The following SHTN1 variants were observed in gnomAD, a reference collection of about 807,000 sequenced individuals.
SHTN1 encodes shootin-1.
Under a neutral mutation model 83.1 loss-of-function variants are expected in SHTN1, and 42 were observed. The observed-to-expected ratio is 0.51, with a 90% CI of 0.39 to 0.65. SHTN1 has a LOEUF of 0.65. Among genes scored for constraint, SHTN1 ranks in the 30% least tolerant of loss-of-function variants. The probability of loss-of-function intolerance (pLI) is 0.00; values close to 1 mark genes in which losing one functional copy is unlikely to be tolerated. For missense variants in SHTN1, 622 were observed against 737.8 expected (o/e 0.84, Z 1.82); for synonymous variants, 224 against 247.7 (o/e 0.90, Z 0.90).
At position 117,005,119 on chromosome 10, in the gene SHTN1, C is replaced by G. The variant is rs569292667; in HGVS notation, c.-40G>C. On this transcript the variant is annotated 5_prime_UTR_variant, in exon 1 of 17. Coordinates refer to ENST00000355371, the MANE Select transcript of SHTN1 (RefSeq NM_001127211.3). ...CCGGGAATAAAAGGGAAAGAGGGAGCGGCGCGGGGCACACAGGAGGAGGGG... is the reference window on the plus strand; with the variant it reads ...CCGGGAATAAAAGGGAAAGAGGGAGGGGCGCGGGGCACACAGGAGGAGGGG... The G allele has an allele frequency of 3.8e-6, 6 of 1,570,498 alleles. No individual in the cohort carries two copies. The East Asian group carries it at 9.2e-5, about 24-fold the overall frequency.
At chr10:116,946,507 T>C (rs1257241130) in intron 7 of SHTN1, among the ~76,000 whole-genome samples, 3 of 140,226 alleles carry the variant, frequency 2.1e-5, no homozygotes, top group African/African-American at 7.8e-5. Flanking sequence ...ATATATAAAA[T>C]GATTTATATA....
intron 1 of SHTN1, among the ~76,000 whole-genome samples, chr10:117,123,483 A>C (rs1347976409): frequency 6.6e-6 from 1 of 152,162 alleles, no homozygotes; most frequent in Non-Finnish European, 1.5e-5. Flanking sequence ...AACACCCCTT[A>C]ACTTCCAATA....
chr10:117,089,036 T>C (rs1853390636), intron 1 of SHTN1, among the ~76,000 whole-genome samples: 2 of 152,172 alleles, frequency 1.3e-5, no homozygotes, highest in African/African-American at 4.8e-5. Flanking sequence ...CTCTGGCACA[T>C]TAATAGGGCT....
intron 2 of SHTN1, among the ~76,000 whole-genome samples, chr10:117,047,070 A>G (rs1037426331): frequency 2.6e-5 from 4 of 152,058 alleles, no homozygotes; most frequent in African/African-American, 7.2e-5. Context: ...TTCAAAAAAT[A>G]TATATATTTT....
At chr10:117,103,251 G>T (rs1384092634) in intron 1 of SHTN1, among the ~76,000 whole-genome samples, 1 of 151,826 alleles carries the variant, frequency 6.6e-6, no homozygotes, top group Non-Finnish European at 1.5e-5. Context: ...CACCACACCT[G>T]GCTAATTTTT....
chr10:116,913,901 C>G (rs1848292154), intron 13 of SHTN1, among the ~76,000 whole-genome samples: 1 of 152,210 alleles, frequency 6.6e-6, no homozygotes. Context: ...TTGCCAGACA[C>G]CAGCACTGGG....
rs138831002 is a variant in SHTN1, at chr10:116,955,474, T to C, written c.268-1264A>G. Among the ~76,000 whole-genome samples, 256 of 152,304 alleles carry C rather than the reference T, an allele frequency of 1.7e-3. 4 individuals carry two copies. Among genetic ancestry groups the C allele is most frequent in the Admixed American group, 0.014 (221 of 15,304 alleles). ...GGAAGACATGCTCTGAATTTAATAA[T>C]TGATATTGGAAACAAATGAACATAG... On this transcript the variant is annotated intron_variant, in intron 4 of 16. Transcript: ENST00000355371.
intron 16 of SHTN1, among the ~76,000 whole-genome samples, chr10:116,896,645 C>A (rs536536665): frequency 3.3e-5 from 5 of 152,128 alleles, no homozygotes; most frequent in Non-Finnish European, 5.9e-5. Context: ...AAATGGGTCA[C>A]GTCATCTTTT....
intron 1 of SHTN1, among the ~76,000 whole-genome samples, chr10:117,003,081 CAAGAA>C (rs1851878754): frequency 6.6e-6 from 1 of 151,850 alleles, no homozygotes; most frequent in African/African-American, 2.4e-5. Flanking sequence ...CTTGATTATA[CAAGAA>C]ATGAAAGGGA....
At chr10:117,071,128 T>C (rs868219135) in intron 1 of SHTN1, among the ~76,000 whole-genome samples, 5 of 152,164 alleles carry the variant, frequency 3.3e-5, no homozygotes, top group Non-Finnish European at 5.9e-5. Context: ...TTTCATAAAA[T>C]GCCATTTTAC....
chr10:117,030,476 T>C (rs978072160), intron 2 of SHTN1, among the ~76,000 whole-genome samples: 4 of 151,920 alleles, frequency 2.6e-5, no homozygotes, highest in African/African-American at 7.3e-5. Flanking sequence ...ATCAAGACCA[T>C]CCAGGGAAAC....
chr10:117,020,965 A>G (rs1852251430), intron 2 of SHTN1, among the ~76,000 whole-genome samples: 1 of 152,222 alleles, frequency 6.6e-6, no homozygotes, highest in Non-Finnish European at 1.5e-5. Flanking sequence ...ACAACTCAGT[A>G]ATTAAAAAAA....
rs1029880905 is a variant in SHTN1, at chr10:116,911,640, C to A, written c.1359+150G>T. 7 of 1,558,826 alleles carry A rather than the reference C, an allele frequency of 4.5e-6. No homozygotes were observed. The African/African-American group carries it at 9.5e-5, about 21-fold the overall frequency. On this transcript the variant is annotated intron_variant, in intron 14 of 16. Transcript: ENST00000355371. ...TTATTAACATATGTGATGGAGCAGT[C>A]TGTAAGCACGATCAAATAAACTGGC...
intron 16 of SHTN1, chr10:116,900,304 T>C (rs1438177679): frequency 3.6e-6 from 2 of 551,778 alleles, no homozygotes; most frequent in African/African-American, 3.8e-5. Context: ...TCTTAAGCAG[T>C]CATTGAACAA....
intron 1 of SHTN1, among the ~76,000 whole-genome samples, chr10:117,119,817 T>C (rs1177180794): frequency 2.0e-5 from 3 of 149,962 alleles, no homozygotes; most frequent in African/African-American, 7.3e-5. Flanking sequence ...AAATTGTACC[T>C]ATACACAATG....
At chr10:116,946,907 G>C (rs1452399526) in intron 7 of SHTN1, among the ~76,000 whole-genome samples, 1 of 151,760 alleles carries the variant, frequency 6.6e-6, no homozygotes, top group Non-Finnish European at 1.5e-5. Flanking sequence ...TTTCAGTAGA[G>C]ACGAGGTTTT....
chr10:117,109,237 A>AC lies in SHTN1; in HGVS notation c.-189+17069dup, dbSNP rs538062710. On this transcript the variant is annotated intron_variant, in intron 1 of 17. Transcript: ENST00000392901. Reference sequence around the variant, plus strand: ...TTCAGACTTCTGAAGACCACCCCCCACCACTGCTTTGGGTGATTCTAGTAT... The same window carrying AC: ...TTCAGACTTCTGAAGACCACCCCCCACCCACTGCTTTGGGTGATTCTAGTAT... Among the ~76,000 whole-genome samples the AC allele has an allele frequency of 5.3e-5, 8 of 152,008 alleles. No homozygotes were observed. The South Asian group carries it at 1.7e-3, about 32-fold the overall frequency.
intron 12 of SHTN1, among the ~76,000 whole-genome samples, chr10:116,921,095 A>G (rs571233733): frequency 2.6e-5 from 4 of 152,326 alleles, no homozygotes; most frequent in African/African-American, 9.6e-5. Context: ...AGTGCTTGAT[A>G]AAGTCCCAGG....
rs142678445 is a variant in SHTN1, at chr10:117,125,322, G to A, written c.-189+985C>T. Among the ~76,000 whole-genome samples the A allele has an allele frequency of 1.7e-3, 251 of 152,108 alleles. 1 individual carries two copies. The highest frequency in any genetic ancestry group is 2.7e-3 in the Admixed American group (42 of 15,286). On this transcript the variant is annotated intron_variant, in intron 1 of 17. Coordinates refer to the SHTN1 transcript ENST00000392901. ...AAGAGGATCTTAAAACGAAAATAAT[G>A]GTGATGTCTAGAAACAAATGTTGGC...
Sources: gnomAD v4.1 joint callset for allele counts (sites outside exome capture counted in the v4.1 genomes callset) on GRCh38, gnomAD v4.1.1 for gene constraint, MANE v1.5 for transcripts, NCBI Gene and HGNC (gene_info 2026-07-23, HGNC 2026-07-21) for gene names.